LRRTM4: variants seen among roughly 807,000 people sequenced by gnomAD.
LRRTM4 encodes leucine-rich repeat transmembrane neuronal protein 4.
In LRRTM4, 25 loss-of-function variants were observed where a neutral mutation model predicts 47.6. The ratio of observed to expected loss-of-function variants is 0.53; its 90% CI spans 0.38 to 0.73. The LOEUF is 0.73. Among genes scored for constraint, LRRTM4 ranks in the 30% least tolerant of loss-of-function variants. LRRTM4 has a pLI of 0.00. For synonymous variants in LRRTM4, 311 were observed against 269.5 expected (o/e 1.15, Z -1.51); for missense variants, 638 against 713.4 (o/e 0.89, Z 1.20).
intron 3 of LRRTM4, among the ~76,000 whole-genome samples, chr2:76,943,277 A>C (rs992963252): frequency 2.0e-5 from 3 of 152,066 alleles, no homozygotes; most frequent in African/African-American, 7.2e-5. Flanking sequence ...TCTACTAAAA[A>C]CACAAAAAAT....
At chr2:76,973,082 G>A (rs945964526) in intron 3 of LRRTM4, among the ~76,000 whole-genome samples, 2 of 151,922 alleles carry the variant, frequency 1.3e-5, no homozygotes, top group Non-Finnish European at 1.5e-5. Flanking sequence ...ACTTGTTGAG[G>A]AAAATGGGAA....
At chr2:77,017,176 C>T (rs1392059959) in intron 3 of LRRTM4, among the ~76,000 whole-genome samples, 1 of 152,106 alleles carries the variant, frequency 6.6e-6, no homozygotes, top group Non-Finnish European at 1.5e-5. Context: ...ATCACGGCCA[C>T]AGAGATAAAG....
chr2:76,922,012 C>T (rs1260311054), intron 3 of LRRTM4, among the ~76,000 whole-genome samples: 1 of 152,026 alleles, frequency 6.6e-6, no homozygotes, highest in Non-Finnish European at 1.5e-5. Context: ...TATCTGTTGA[C>T]AGATTAATTA....
At chr2:76,839,625 G>A (rs535056974) in intron 3 of LRRTM4, among the ~76,000 whole-genome samples, 23 of 152,018 alleles carry the variant, frequency 1.5e-4, no homozygotes, top group African/African-American at 5.3e-4. Flanking sequence ...CTCAGAAAAA[G>A]TGTCATGAAA....
At chr2:77,352,756 T>G (rs12619173) in intron 3 of LRRTM4, among the ~76,000 whole-genome samples, 30,557 of 151,926 alleles carry the variant, frequency 0.2, 3,781 homozygotes, top group East Asian at 0.48. Context: ...ACAATTTTTT[T>G]TTGTTGTTTT....
intron 3 of LRRTM4, among the ~76,000 whole-genome samples, chr2:77,259,116 T>TA (rs988512416): frequency 8.6e-5 from 13 of 151,482 alleles, no homozygotes; most frequent in Non-Finnish European, 4.4e-5. Flanking sequence ...ATAAAAAACT[T>TA]AAAAAAAAAT....
chr2:77,161,957 G>A (rs1672741553), intron 3 of LRRTM4, among the ~76,000 whole-genome samples: 1 of 152,156 alleles, frequency 6.6e-6, no homozygotes, highest in African/African-American at 2.4e-5. Flanking sequence ...CTCCCAGCGT[G>A]AGCAACACAG....
intron 3 of LRRTM4, among the ~76,000 whole-genome samples, chr2:76,907,541 A>C (rs1673890937): frequency 6.8e-6 from 1 of 147,246 alleles, no homozygotes; most frequent in African/African-American, 2.5e-5. Context: ...TCAAAAAGTT[A>C]ATGAATCCAG....
At chr2:77,314,865 C>A (rs1265775079) in intron 3 of LRRTM4, among the ~76,000 whole-genome samples, 1 of 152,128 alleles carries the variant, frequency 6.6e-6, no homozygotes, top group African/African-American at 2.4e-5. Flanking sequence ...TGATGCTGGA[C>A]CACAGCAACG....
chr2:77,074,000 ATAAC>A (rs2103836005), intron 3 of LRRTM4, among the ~76,000 whole-genome samples: 1 of 152,236 alleles, frequency 6.6e-6, no homozygotes, highest in African/African-American at 2.4e-5. Context: ...CTTCTTATAA[ATAAC>A]ATATTGTGTA....
chr2:77,264,854 T>C (rs1460476661), intron 3 of LRRTM4, among the ~76,000 whole-genome samples: 1 of 152,134 alleles, frequency 6.6e-6, no homozygotes, highest in Non-Finnish European at 1.5e-5. Context: ...ATTCATTGAA[T>C]TAAAAAGCCC....
At chr2:77,455,761 A>G (rs1212439514) in intron 3 of LRRTM4, among the ~76,000 whole-genome samples, 1 of 151,956 alleles carries the variant, frequency 6.6e-6, no homozygotes, top group Non-Finnish European at 1.5e-5. Flanking sequence ...TTCCTTTTTT[A>G]TCACTTCACA....
chr2:77,094,077 C>A (rs77676060), intron 3 of LRRTM4, among the ~76,000 whole-genome samples: 1 of 152,110 alleles, frequency 6.6e-6, no homozygotes, highest in Non-Finnish European at 1.5e-5. Context: ...ACCCTAACAA[C>A]TTCACAGAAA....
chr2:76,935,040 T>C (rs1274457485), intron 3 of LRRTM4, among the ~76,000 whole-genome samples: 1 of 147,870 alleles, frequency 6.8e-6, no homozygotes, highest in Admixed American at 6.6e-5. Flanking sequence ...GAGTTCAGTA[T>C]CATTTCACCA....
At chr2:77,194,779 C>G (rs1673766255) in intron 3 of LRRTM4, among the ~76,000 whole-genome samples, 1 of 151,902 alleles carries the variant, frequency 6.6e-6, no homozygotes, top group Admixed American at 6.6e-5. Flanking sequence ...TCTGTATCTA[C>G]AGAAGAGGGA....
intron 3 of LRRTM4, among the ~76,000 whole-genome samples, chr2:77,243,574 T>C (rs890876688): frequency 6.7e-6 from 1 of 149,666 alleles, no homozygotes; most frequent in African/African-American, 2.5e-5. Context: ...GGGTATAGAG[T>C]TTTAGTTTTG....
At chr2:76,845,096 A>G (rs529018983) in intron 3 of LRRTM4, among the ~76,000 whole-genome samples, 2 of 152,352 alleles carry the variant, frequency 1.3e-5, no homozygotes, top group African/African-American at 4.8e-5. Flanking sequence ...TGATTTAAAA[A>G]AAGTTTAAAG....
intron 3 of LRRTM4, among the ~76,000 whole-genome samples, chr2:77,455,082 G>GATTATTCCAATATTT: frequency 6.6e-6 from 1 of 152,092 alleles, no homozygotes; most frequent in South Asian, 2.1e-4. Flanking sequence ...CAGCTACTCA[G>GATTATTCCAATATTT]GAGGCTGAGA....
intron 3 of LRRTM4, among the ~76,000 whole-genome samples, chr2:76,909,994 G>A (rs1049153597): frequency 2.0e-5 from 3 of 152,088 alleles, no homozygotes; most frequent in Non-Finnish European, 4.4e-5. Context: ...TCCCATTACT[G>A]CGTATATACC....
Sources: gnomAD v4.1 joint callset for allele counts (sites outside exome capture counted in the v4.1 genomes callset) on GRCh38, gnomAD v4.1.1 for gene constraint, MANE v1.5 for transcripts, NCBI Gene and HGNC (gene_info 2026-07-23, HGNC 2026-07-21) for gene names.